Variants in TAF3 observed in about 807,000 individuals in gnomAD.
The protein encoded by TAF3 is TATA-box binding protein associated factor 3, also known as transcription initiation factor TFIID subunit 3.
A neutral mutation model predicts 80.6 loss-of-function variants in TAF3; 7 were observed. That is an observed-to-expected ratio of 0.09 (90% CI 0.05 to 0.16). The LOEUF is 0.16. Among genes scored for constraint, TAF3 ranks in the 10% least tolerant of loss-of-function variants. The pLI is 1.00. For missense variants in TAF3, 921 were observed against 1,140.2 expected (o/e 0.81, Z 2.77); for synonymous variants, 444 against 446.1 (o/e 1.00, Z 0.06).
chr10:8,010,570 A>T (rs1832044693), intron 5 of TAF3, among the ~76,000 whole-genome samples: 1 of 152,238 alleles, frequency 6.6e-6, no homozygotes, highest in Non-Finnish European at 1.5e-5. Flanking sequence ...ATGGAAATGA[A>T]CTTTGAGACC....
rs980010593 is a variant in TAF3, at chr10:7,873,621, C to CG, written c.409+49061_409+49062insG. Among the ~76,000 whole-genome samples the CG allele has an allele frequency of 1.4e-3, 185 of 130,510 alleles. 14 individuals carry two copies. The highest frequency in any genetic ancestry group is 4.6e-3 in the African/African-American group (162 of 34,950). The allele number at this position is 130,510 out of a possible 152,430, so 85.6% of individuals were successfully genotyped here. ...CAAGGGAAGACATCCGAGTTCTCCCCCCCCCCCCGTCAAAAGGGGGTGTCG... is the reference window on the plus strand; with the variant it reads ...CAAGGGAAGACATCCGAGTTCTCCCCGCCCCCCCCGTCAAAAGGGGGTGTCG... On this transcript the variant is annotated intron_variant, in intron 2 of 6. Transcript: ENST00000344293.
At chr10:7,969,619 A>G (rs888313829) in intron 3 of TAF3, among the ~76,000 whole-genome samples, 1 of 152,200 alleles carries the variant, frequency 6.6e-6, no homozygotes, top group African/African-American at 2.4e-5. Context: ...AATTTATGTT[A>G]GTGGAACTGG....
chr10:7,980,775 G>T (rs1831718815), intron 4 of TAF3, among the ~76,000 whole-genome samples: 1 of 152,084 alleles, frequency 6.6e-6, no homozygotes, highest in African/African-American at 2.4e-5. Context: ...GGATCCTGAG[G>T]TCCCACTTGG....
intron 2 of TAF3, among the ~76,000 whole-genome samples, chr10:7,861,539 C>T (rs949968445): frequency 2.0e-5 from 3 of 151,894 alleles, no homozygotes; most frequent in Admixed American, 1.3e-4. Flanking sequence ...TGAAATCAGC[C>T]ATTTCTCAAA....
Position 8,009,105 on chromosome 10 carries a change from C to T in TAF3, c.2343C>T (p.Pro781=), listed in dbSNP as rs1350678860. The change falls in exon 5 of 7, where the codon CCC becomes CCT. Residue 781 remains proline, a synonymous_variant. Transcript: ENST00000344293. The surrounding 1 kb of genome is among the most constrained non-coding windows in gnomAD (Gnocchi z 4.1). ...TCATCAGCAAGGTGGTCCCTGCCCC[C>T]GAGGCCAAGCCGGCGCCCTCGCAGA... ...KIVISKVVPA[P]EAKPAPSQNR... 2.5e-6 allele frequency: 4 copies of T among 1,601,442 alleles called. No individual in the cohort carries two copies. The highest frequency in any genetic ancestry group is 3.4e-6 in the Non-Finnish European group (4 of 1,174,686).
At chr10:7,924,170 A>C (rs910053492) in intron 2 of TAF3, among the ~76,000 whole-genome samples, 1 of 152,182 alleles carries the variant, frequency 6.6e-6, no homozygotes, top group Non-Finnish European at 1.5e-5. Flanking sequence ...TGACTATTCT[A>C]AATGTGGTGC....
At chr10:7,821,900 A>T (rs1836693939) in intron 1 of TAF3, among the ~76,000 whole-genome samples, 1 of 152,212 alleles carries the variant, frequency 6.6e-6, no homozygotes, top group South Asian at 2.1e-4. Context: ...AGCTTAGAGA[A>T]TCACATAAAC....
chr10:7,919,068 T>G (rs539781847), intron 2 of TAF3, among the ~76,000 whole-genome samples: 50 of 151,936 alleles, frequency 3.3e-4, no homozygotes, highest in African/African-American at 1.2e-3. Flanking sequence ...ATAGAGGAGA[T>G]TTTGCTAATG....
intron 4 of TAF3, among the ~76,000 whole-genome samples, chr10:7,991,715 A>AT (rs964900178): frequency 6.6e-6 from 1 of 152,144 alleles, no homozygotes; most frequent in Non-Finnish European, 1.5e-5. Context: ...TATACACTAT[A>AT]TTTTTTCCAT....
chr10:7,862,557 A>G (rs1736110809), intron 2 of TAF3, among the ~76,000 whole-genome samples: 1 of 152,180 alleles, frequency 6.6e-6, no homozygotes, highest in South Asian at 2.1e-4. Context: ...GTACATGTTT[A>G]TAACATTTTT....
chr10:7,834,867 G>A (rs10508336), intron 2 of TAF3, among the ~76,000 whole-genome samples: 12,601 of 151,898 alleles, frequency 0.083, 703 homozygotes, highest in South Asian at 0.2. Context: ...TCATTTTACC[G>A]TGTGTATCTT....
At chr10:7,941,335 A>G (rs1006420594) in intron 2 of TAF3, among the ~76,000 whole-genome samples, 1 of 152,260 alleles carries the variant, frequency 6.6e-6, no homozygotes, top group Non-Finnish European at 1.5e-5. Context: ...AATGAATAAC[A>G]AAATAAAATT....
intron 2 of TAF3, among the ~76,000 whole-genome samples, chr10:7,913,910 A>T (rs917195404): frequency 2.0e-5 from 3 of 152,220 alleles, no homozygotes; most frequent in Non-Finnish European, 2.9e-5. Context: ...AAACAACTTG[A>T]TCCAGAATGT....
chr10:7,829,140 C>T (rs1315576884), intron 2 of TAF3, among the ~76,000 whole-genome samples: 3 of 151,374 alleles, frequency 2.0e-5, no homozygotes, highest in Non-Finnish European at 2.9e-5. Flanking sequence ...GTGAGGTTGC[C>T]ACTTTTAGAG....
intron 2 of TAF3, among the ~76,000 whole-genome samples, chr10:7,842,264 C>T (rs916631729): frequency 6.7e-6 from 1 of 148,586 alleles, no homozygotes; most frequent in Non-Finnish European, 1.5e-5. Flanking sequence ...ACCTCTGCCT[C>T]CCGGGCTCAA....
At chr10:8,003,562 CAG>C (rs1176693888) in intron 4 of TAF3, among the ~76,000 whole-genome samples, 45 of 152,136 alleles carry the variant, frequency 3.0e-4, no homozygotes, top group African/African-American at 9.2e-4. Context: ...TTTAATGTAA[CAG>C]AATATGAATG....
rs921080679 is a variant in TAF3, at chr10:7,834,809, TA to T, written c.409+10257del. 1.0e-3 allele frequency among the ~76,000 whole-genome samples: 155 copies of T among 152,250 alleles called. 1 individual carries two copies. Among genetic ancestry groups the T allele is most frequent in the Admixed American group, 2.3e-3 (35 of 15,290 alleles). On this transcript the variant is annotated intron_variant, in intron 2 of 6. Coordinates refer to ENST00000344293, the MANE Select transcript of TAF3 (RefSeq NM_031923.4). ...TATCATTCATGATTACTGAAACAGG[TA>T]AAAAAAATTTTTTTTGCTCATTCTG...
intron 2 of TAF3, among the ~76,000 whole-genome samples, chr10:7,883,064 T>C (rs150620474): frequency 5.3e-4 from 80 of 152,304 alleles, no homozygotes; most frequent in Middle Eastern, 3.4e-3. Context: ...ATAAGGAAAT[T>C]AACATTGATA....
At chr10:7,878,662 C>G (rs768192682) in intron 2 of TAF3, among the ~76,000 whole-genome samples, 1 of 152,026 alleles carries the variant, frequency 6.6e-6, no homozygotes, top group Non-Finnish European at 1.5e-5. Context: ...GAAATTCCCT[C>G]TCTAGATGCA....
Sources: gnomAD v4.1 joint callset for allele counts (sites outside exome capture counted in the v4.1 genomes callset) on GRCh38, gnomAD v4.1.1 for gene constraint, Gnocchi (gnomAD v3.1) non-coding constraint, MANE v1.5 for transcripts, NCBI Gene and HGNC (gene_info 2026-07-23, HGNC 2026-07-21) for gene names.